Variants in EHBP1 observed in about 807,000 individuals in gnomAD.
EHBP1 encodes the protein EH domain binding protein 1.
A neutral mutation model predicts 144.0 loss-of-function variants in EHBP1; 55 were observed. That is an observed-to-expected ratio of 0.38 (90% CI 0.31 to 0.48). The LOEUF is 0.48. Ranked by LOEUF, EHBP1 falls within the 20% of genes least tolerant of loss-of-function variation. EHBP1 has a pLI of 0.98. For synonymous variants in EHBP1, 469 were observed against 472.7 expected, an observed-to-expected ratio of 0.99 and a Z score of 0.10; for missense variants, 1,200 against 1,364.2, an observed-to-expected ratio of 0.88 and a Z score of 1.90.
chr2:62,935,426 T>G (rs2056317564), intron 10 of EHBP1, among the ~76,000 whole-genome samples: 1 of 151,232 alleles, frequency 6.6e-6, no homozygotes, highest in South Asian at 2.1e-4. Context: ...TTTATAGCAG[T>G]CATGCATATT....
intron 7 of EHBP1, among the ~76,000 whole-genome samples, chr2:62,834,925 C>G (rs540856807): frequency 6.6e-6 from 1 of 152,132 alleles, no homozygotes; most frequent in Non-Finnish European, 1.5e-5. Context: ...TCCATCTCCA[C>G]GAAGGGATGA....
chr2:62,718,068 T>C (rs992144507), intron 2 of EHBP1, among the ~76,000 whole-genome samples: 2 of 152,218 alleles, frequency 1.3e-5, no homozygotes, highest in Non-Finnish European at 2.9e-5. Context: ...ATTTTTATTA[T>C]GAAAATAAAA....
chr2:62,759,010 G>C (rs2040537709), intron 3 of EHBP1, among the ~76,000 whole-genome samples: 1 of 152,136 alleles, frequency 6.6e-6, no homozygotes, highest in Non-Finnish European at 1.5e-5. Flanking sequence ...TGCTAACTCT[G>C]TACTTAGTTC....
intron 8 of EHBP1, among the ~76,000 whole-genome samples, chr2:62,862,157 T>C (rs766437436): frequency 1.3e-5 from 2 of 152,210 alleles, no homozygotes; most frequent in Non-Finnish European, 2.9e-5. Context: ...TCAGTATTGA[T>C]TTATTATGAT....
chr2:62,939,022 G>A (rs977018934), intron 10 of EHBP1, among the ~76,000 whole-genome samples: 2 of 152,124 alleles, frequency 1.3e-5, no homozygotes, highest in African/African-American at 4.8e-5. Flanking sequence ...TCATATAACA[G>A]TATTTACTGA....
chr2:62,832,784 G>A (rs544839675), intron 7 of EHBP1, among the ~76,000 whole-genome samples: 105 of 152,100 alleles, frequency 6.9e-4, no homozygotes, highest in South Asian at 1.5e-3. Context: ...GGGCCTCCTC[G>A]TTCCCTGGGA....
intron 10 of EHBP1, among the ~76,000 whole-genome samples, chr2:62,936,700 G>A (rs2056410154): frequency 6.6e-6 from 1 of 151,848 alleles, no homozygotes; most frequent in Admixed American, 6.6e-5. Flanking sequence ...ATTTAATTAT[G>A]GCACAATCTT....
intron 19 of EHBP1, among the ~76,000 whole-genome samples, chr2:63,006,384 G>A (rs2060036438): frequency 6.6e-6 from 1 of 151,908 alleles, no homozygotes; most frequent in East Asian, 1.9e-4. Context: ...CTAGTTGATG[G>A]CAGCTACACT....
At chr2:62,849,007 T>C (rs1295719496) in intron 7 of EHBP1, among the ~76,000 whole-genome samples, 1 of 152,196 alleles carries the variant, frequency 6.6e-6, no homozygotes, top group Admixed American at 6.5e-5. Context: ...ATCTACTGTG[T>C]GGTATAGCTG....
intron 2 of EHBP1, among the ~76,000 whole-genome samples, chr2:62,739,562 A>T (rs1203574255): frequency 1.3e-5 from 2 of 152,226 alleles, no homozygotes; most frequent in African/African-American, 4.8e-5. Context: ...ACAATAAAGT[A>T]TGAAGTATTA....
At chr2:62,798,653 C>T (rs1017540032) in intron 5 of EHBP1, among the ~76,000 whole-genome samples, 8 of 152,242 alleles carry the variant, frequency 5.3e-5, no homozygotes, top group African/African-American at 1.9e-4. Flanking sequence ...GGTAAATTGT[C>T]ATTGTAATTT....
At chr2:62,816,102 C>G (rs2045427375) in intron 5 of EHBP1, among the ~76,000 whole-genome samples, 2 of 152,122 alleles carry the variant, frequency 1.3e-5, no homozygotes, top group Admixed American at 1.3e-4. Flanking sequence ...TTAAAATACT[C>G]CCATACTTTT....
intron 10 of EHBP1, among the ~76,000 whole-genome samples, chr2:62,894,761 A>G (rs1357459213): frequency 6.6e-6 from 1 of 152,114 alleles, no homozygotes; most frequent in Non-Finnish European, 1.5e-5. Context: ...AAAAGATTGT[A>G]GTAAATTAGC....
intron 7 of EHBP1, among the ~76,000 whole-genome samples, chr2:62,851,620 T>A (rs11897498): frequency 0.14 from 21,695 of 152,194 alleles, 1,659 homozygotes; most frequent in African/African-American, 0.16. Context: ...AGCACAGGCA[T>A]GTAATAGGTA....
At position 62,848,341 on chromosome 2, in the gene EHBP1, C is replaced by G. The variant is rs554583597; in HGVS notation, c.635-10828C>G. Among the ~76,000 whole-genome samples the G allele has an allele frequency of 2.1e-4, 32 of 152,172 alleles. No individual in the cohort carries two copies. In the South Asian group the frequency reaches 5.8e-3, roughly 28 times the overall value. On this transcript the variant is annotated intron_variant, in intron 7 of 22. Transcript: ENST00000431489. ...CAAGTGATCCTCCCACCTTGGCCTC[C>G]CAAAGTGCTGGGATTACAGGTGTGA...
chr2:63,020,748 G>A (rs1485142067), intron 19 of EHBP1, among the ~76,000 whole-genome samples: 2 of 151,096 alleles, frequency 1.3e-5, no homozygotes, highest in African/African-American at 2.4e-5. Context: ...GCGCGATCTC[G>A]GCTCACTGCA....
intron 7 of EHBP1, among the ~76,000 whole-genome samples, chr2:62,850,528 T>G (rs1390762319): frequency 1.3e-5 from 2 of 152,172 alleles, no homozygotes; most frequent in African/African-American, 2.4e-5. Flanking sequence ...TTCTCATCAA[T>G]GTGAAGCAGG....
At chr2:62,774,706 G>A (rs1026762507) in intron 5 of EHBP1, among the ~76,000 whole-genome samples, 1 of 152,038 alleles carries the variant, frequency 6.6e-6, no homozygotes, top group Non-Finnish European at 1.5e-5. Context: ...TTAACTGGAC[G>A]TGGTGGCATA....
intron 5 of EHBP1, among the ~76,000 whole-genome samples, chr2:62,819,886 A>G (rs1176591107): frequency 6.6e-6 from 1 of 152,142 alleles, no homozygotes; most frequent in Non-Finnish European, 1.5e-5. Flanking sequence ...TGAACCACAG[A>G]TGTACATGTC....
Sources: gnomAD v4.1 joint callset for allele counts (sites outside exome capture counted in the v4.1 genomes callset) on GRCh38, gnomAD v4.1.1 for gene constraint, MANE v1.5 for transcripts, NCBI Gene and HGNC (gene_info 2026-07-23, HGNC 2026-07-21) for gene names.